Variants in CDC42BPA observed in about 807,000 individuals in gnomAD.
The protein encoded by CDC42BPA is CDC42 binding protein kinase alpha, also known as serine/threonine-protein kinase MRCK alpha.
A neutral mutation model predicts 223.5 loss-of-function variants in CDC42BPA; 80 were observed. That is an observed-to-expected ratio of 0.36 (90% CI 0.30 to 0.43). CDC42BPA has a LOEUF of 0.43. Among genes scored for constraint, CDC42BPA ranks in the 20% least tolerant of loss-of-function variants. CDC42BPA has a pLI of 1.00. For synonymous variants in CDC42BPA, 694 were observed against 718.6 expected (o/e 0.97, Z 0.55); for missense variants, 1,743 against 2,099.9 (o/e 0.83, Z 3.32).
chr1:227,317,128 C>T lies in CDC42BPA; in HGVS notation c.55G>A (p.Ala19Thr), dbSNP rs780626034. 2.7e-5 allele frequency: 43 copies of T among 1,613,886 alleles called. No individual in the cohort carries two copies. Among genetic ancestry groups the T allele is most frequent in the Non-Finnish European group, 3.6e-5 (43 of 1,179,960 alleles). ...QLEQFILDGP[A>T]QTNGQCFSVE... ...CTGAAGCACTGCCCATTGGTCTGAG[C>T]GGGCCCGTCCAAAATAAACTGCTCC... The change falls in exon 1 of 37, where the codon GCT (alanine) becomes ACT (threonine). Residue 19 changes from alanine (A) to threonine (T), a missense_variant. Around this residue, in one of 6 missense-constraint regions of CDC42BPA, gnomAD observed 321 missense variants for 488.7 expected, o/e 0.66. Coordinates refer to ENST00000366766, the MANE Select transcript of CDC42BPA (RefSeq NM_001394014.1).
intron 23 of CDC42BPA, among the ~76,000 whole-genome samples, chr1:227,043,266 A>AGC (rs1671752780): frequency 1.3e-5 from 2 of 152,124 alleles, no homozygotes; most frequent in Non-Finnish European, 2.9e-5. Context: ...TACAAAAATT[A>AGC]GCTGGGCATG....
intron 7 of CDC42BPA, among the ~76,000 whole-genome samples, chr1:227,146,585 A>G (rs1033230567): frequency 1.3e-5 from 2 of 152,110 alleles, no homozygotes; most frequent in Non-Finnish European, 2.9e-5. Context: ...ACTGCTCACA[A>G]TCTTCTAAGA....
chr1:227,192,816 AT>A (rs1233130012), intron 5 of CDC42BPA, among the ~76,000 whole-genome samples: 2 of 152,088 alleles, frequency 1.3e-5, no homozygotes, highest in African/African-American at 4.8e-5. Context: ...TACAAAAAAA[AT>A]CTCTTTTGAC....
intron 2 of CDC42BPA, among the ~76,000 whole-genome samples, chr1:227,218,453 G>C (rs7525352): frequency 0.056 from 8,574 of 152,112 alleles, 795 homozygotes; most frequent in African/African-American, 0.19. Context: ...TCTGTGCCTA[G>C]CACTGGGCTA....
intron 1 of CDC42BPA, 98 bp downstream of exon 1, chr1:227,316,907 T>C: frequency 1.2e-6 from 1 of 846,530 alleles, no homozygotes; most frequent in Non-Finnish European, 1.8e-6. Flanking sequence ...TTGTATTTTT[T>C]CTTTGAACGG....
intron 5 of CDC42BPA, among the ~76,000 whole-genome samples, chr1:227,184,878 A>C (rs985774764): frequency 1.1e-4 from 17 of 152,188 alleles, no homozygotes; most frequent in African/African-American, 3.6e-4. Context: ...TACTTCCTCC[A>C]AACAATATGC....
At chr1:227,005,441 C>G (rs1475980830) in intron 34 of CDC42BPA, among the ~76,000 whole-genome samples, 3 of 152,108 alleles carry the variant, frequency 2.0e-5, no homozygotes, top group Non-Finnish European at 2.9e-5. Context: ...GGACATTTGC[C>G]GATAACTGAA....
rs866972799 is a variant in CDC42BPA, at chr1:227,135,902, A to G, written c.1390+3674T>C. Among the ~76,000 whole-genome samples the G allele has an allele frequency of 9.1e-3, 1,281 of 140,326 alleles. 36 individuals are homozygous for G. The highest frequency in any genetic ancestry group is 0.031 in the African/African-American group (1,185 of 37,742). 92.1% of individuals were successfully genotyped at this position (140,326 alleles called of 152,430 possible). ...AAAAAAAAAAAAAAAAAAAAAAAAAAGCAATTTAGTCTTGTCCAAGCTCAA... is the reference window on the plus strand; with the variant it reads ...AAAAAAAAAAAAAAAAAAAAAAAAAGGCAATTTAGTCTTGTCCAAGCTCAA... On this transcript the variant is annotated intron_variant, in intron 10 of 36. Transcript: ENST00000366766.
Position 227,145,679 on chromosome 1 carries a change from A to G in CDC42BPA, c.953T>C (p.Ile318Thr). The G allele has an allele frequency of 6.2e-7, 1 of 1,613,786 alleles. No individual in the cohort carries two copies. The highest frequency in any genetic ancestry group is 8.5e-7 in the Non-Finnish European group (1 of 1,179,740). ...TTCTCTGCTACAAATGAGCCTTCGAATAAGATCCTTAGCATTTTCAGACAC... is the reference window on the plus strand; with the variant it reads ...TTCTCTGCTACAAATGAGCCTTCGAGTAAGATCCTTAGCATTTTCAGACAC... ...TDVSENAKDL[I>T]RRLICSREHR... Residue 318 changes from isoleucine to threonine, a missense_variant, in exon 8 of 37, where the codon ATT (isoleucine) becomes ACT (threonine). Coordinates refer to ENST00000366766, the MANE Select transcript of CDC42BPA (RefSeq NM_001394014.1).
chr1:227,143,046 G>A, intron 8 of CDC42BPA, 22 bp from the exon 9 acceptor site: 3 of 1,468,170 alleles, frequency 2.0e-6, no homozygotes, highest in Non-Finnish European at 2.7e-6. Flanking sequence ...AAAAACATCT[G>A]GTAAGAAATA....
chr1:227,031,595 A>C, intron 27 of CDC42BPA, 81 bp from the exon 28 acceptor site: 1 of 1,096,038 alleles, frequency 9.1e-7, no homozygotes. Context: ...TAGTTTGCTT[A>C]GCACTCACCA....
At chr1:227,071,773 G>T (rs914590365) in intron 20 of CDC42BPA, among the ~76,000 whole-genome samples, 9 of 120,756 alleles carry the variant, frequency 7.5e-5, no homozygotes, top group African/African-American at 2.9e-4. Context: ...GGAAATACTT[G>T]TTCAAGTACC....
At chr1:227,279,416 A>G (rs1167258688) in intron 1 of CDC42BPA, among the ~76,000 whole-genome samples, 1 of 152,136 alleles carries the variant, frequency 6.6e-6, no homozygotes, top group African/African-American at 2.4e-5. Flanking sequence ...TAATAATAGA[A>G]AACTTAGTAG....
chr1:227,216,484 G>A (rs1222365074), intron 2 of CDC42BPA, among the ~76,000 whole-genome samples: 2 of 152,158 alleles, frequency 1.3e-5, no homozygotes, highest in Admixed American at 6.5e-5. Context: ...GGTGAGTGTG[G>A]TGAAATAAAA....
At chr1:227,268,667 C>CATATATATATGTAT (rs1685461205) in intron 1 of CDC42BPA, among the ~76,000 whole-genome samples, 2 of 139,030 alleles carry the variant, frequency 1.4e-5, no homozygotes, top group African/African-American at 5.5e-5. Context: ...TATATATATA[C>CATATATATATGTAT]ATATATATAT....
intron 17 of CDC42BPA, among the ~76,000 whole-genome samples, chr1:227,078,354 G>A (rs996505327): frequency 6.6e-6 from 1 of 152,076 alleles, no homozygotes; most frequent in African/African-American, 2.4e-5. Flanking sequence ...GGTCAAAATA[G>A]TTTTTAAACT....
Position 227,139,750 on chromosome 1 carries a change from A to G in CDC42BPA, c.1224-8T>C. Reference sequence around the variant, plus strand: ...CTCCGATCAGAAAGTACACTGAAGAAAAGAAAAAAAAATGTAGGTTCATAC... The same window carrying G: ...CTCCGATCAGAAAGTACACTGAAGAGAAGAAAAAAAAATGTAGGTTCATAC... On this transcript the variant is annotated splice_polypyrimidine_tract_variant and splice_region_variant and intron_variant, in intron 9 of 36. Transcript: ENST00000366766. The G allele has an allele frequency of 2.7e-6, 4 of 1,499,632 alleles. No individual in the cohort carries two copies. The highest frequency in any genetic ancestry group is 3.5e-6 in the Non-Finnish European group (4 of 1,128,840). 92.9% of individuals were successfully genotyped at this position (1,499,632 alleles called of 1,614,324 possible).
chr1:227,123,126 A>T (rs1243147286), intron 11 of CDC42BPA, among the ~76,000 whole-genome samples: 1 of 152,188 alleles, frequency 6.6e-6, no homozygotes, highest in Non-Finnish European at 1.5e-5. Context: ...AACATGGTGA[A>T]ACCCCATCTC....
intron 5 of CDC42BPA, among the ~76,000 whole-genome samples, chr1:227,172,007 A>G (rs925992141): frequency 6.6e-6 from 1 of 152,152 alleles, no homozygotes; most frequent in African/African-American, 2.4e-5. Flanking sequence ...TTCTAAAACA[A>G]TACTTTTATT....
Sources: allele counts gnomAD v4.1 joint callset (sites outside exome capture counted in the v4.1 genomes callset), GRCh38; gene constraint gnomAD v4.1.1; regional missense constraint gnomAD v4.1.1; transcripts MANE v1.5; gene names NCBI Gene and HGNC (gene_info 2026-07-23, HGNC 2026-07-21).